AGFG1: variants seen among roughly 807,000 people sequenced by gnomAD.
The protein encoded by AGFG1 is arf-GAP domain and FG repeat-containing protein 1.
In AGFG1, 10 loss-of-function variants were observed where a neutral mutation model predicts 60.6. That is an observed-to-expected ratio of 0.16 (90% CI 0.10 to 0.28). AGFG1 has a LOEUF of 0.28. Among genes scored for constraint, AGFG1 ranks in the 10% least tolerant of loss-of-function variants. The probability of loss-of-function intolerance (pLI) is 1.00; values close to 1 mark genes in which losing one functional copy is unlikely to be tolerated. For synonymous variants in AGFG1, 247 were observed against 242.9 expected, an observed-to-expected ratio of 1.02 and a Z score of -0.16; for missense variants, 537 against 676.5, an observed-to-expected ratio of 0.79 and a Z score of 2.29.
intron 1 of AGFG1, among the ~76,000 whole-genome samples, chr2:227,478,884 A>G (rs1461179385): frequency 6.6e-6 from 1 of 152,150 alleles, no homozygotes; most frequent in Admixed American, 6.5e-5. Context: ...TATCCTAGTG[A>G]CTTGTTTTAG....
chr2:227,511,588 A>G (rs1461286050), intron 2 of AGFG1, among the ~76,000 whole-genome samples: 2 of 152,210 alleles, frequency 1.3e-5, no homozygotes, highest in Non-Finnish European at 2.9e-5. Flanking sequence ...TTCTACCTAA[A>G]TAAGTTGGGG....
At chr2:227,476,669 A>G (rs758650580) in intron 1 of AGFG1, among the ~76,000 whole-genome samples, 1 of 152,192 alleles carries the variant, frequency 6.6e-6, no homozygotes, top group Non-Finnish European at 1.5e-5. Context: ...TTTTTAGATG[A>G]CAGATGAAAA....
rs1177179296 is a variant in AGFG1, at chr2:227,560,388, T to G, written c.*5893T>G. 6.6e-6 allele frequency: 1 copy of G among 151,544 alleles called. No homozygotes were observed. The highest frequency in any genetic ancestry group is 1.5e-5 in the Non-Finnish European group (1 of 67,844). 9.4% of individuals were successfully genotyped at this position (151,544 alleles called of 1,614,324 possible). On this transcript the variant is annotated 3_prime_UTR_variant, in exon 13 of 13. Transcript: ENST00000310078. ...CACCAGCTGTGTAGGTATGATCTTG[T>G]GCTTCCATTTAAGAAATTCTTCCAT...
chr2:227,553,901 A>G (rs1692895552), intron 12 of AGFG1, 106 bp downstream of exon 12: 1 of 704,080 alleles, frequency 1.4e-6, no homozygotes, highest in South Asian at 2.0e-5. Flanking sequence ...TGTTATATTG[A>G]TATGAGTGAC....
chr2:227,502,188 G>A (rs921639056), intron 2 of AGFG1, among the ~76,000 whole-genome samples: 2 of 152,070 alleles, frequency 1.3e-5, no homozygotes, highest in Non-Finnish European at 2.9e-5. Context: ...AGTTATGCAC[G>A]TGGATGCTTG....
intron 10 of AGFG1, among the ~76,000 whole-genome samples, chr2:227,550,497 T>C (rs1692786746): frequency 6.6e-6 from 1 of 152,218 alleles, no homozygotes; most frequent in African/African-American, 2.4e-5. Context: ...TTAAGTGCTC[T>C]CTTAAAGTGA....
chr2:227,491,055 T>A lies in AGFG1; in HGVS notation c.168-492T>A, dbSNP rs141013841. ...GGACTTTACTAATTGGTTTATTACC[T>A]CAATTCATGATATTACTTGTAATAT... On this transcript the variant is annotated intron_variant, in intron 1 of 12. Coordinates refer to ENST00000310078, the MANE Select transcript of AGFG1 (RefSeq NM_004504.5). Among the ~76,000 whole-genome samples, 545 of 152,324 alleles carry A rather than the reference T, an allele frequency of 3.6e-3. 1 individual carries two copies. Among genetic ancestry groups the A allele is most frequent in the African/African-American group, 0.012 (514 of 41,566 alleles).
At chr2:227,494,880 C>T (rs1690931305) in intron 2 of AGFG1, among the ~76,000 whole-genome samples, 1 of 152,132 alleles carries the variant, frequency 6.6e-6, no homozygotes. Flanking sequence ...CAACTGATGG[C>T]AATACGAATT....
In AGFG1 at chr2:227,552,137, G is replaced by A. The variant is rs1390753759; in HGVS notation, c.1537+20G>A. 1.5e-5 allele frequency: 24 copies of A among 1,613,814 alleles called. 1 individual carries two copies. The highest frequency in any genetic ancestry group is 2.2e-5 in the South Asian group (2 of 91,060). ...CCAATGGTAAGATCTAACATTTGGC[G>A]AGCTGTAAGTTCATTTTATGTATCC... On this transcript the variant is annotated intron_variant, in intron 11 of 12. Coordinates refer to ENST00000310078, the MANE Select transcript of AGFG1 (RefSeq NM_004504.5).
intron 10 of AGFG1, among the ~76,000 whole-genome samples, chr2:227,537,721 A>G (rs1692354449): frequency 1.3e-5 from 2 of 152,188 alleles, no homozygotes; most frequent in South Asian, 2.1e-4. Context: ...ATGGCTGGGT[A>G]TCCATTAAAT....
At chr2:227,510,299 A>G (rs1004846286) in intron 2 of AGFG1, among the ~76,000 whole-genome samples, 2 of 152,082 alleles carry the variant, frequency 1.3e-5, no homozygotes, top group African/African-American at 4.8e-5. Flanking sequence ...TGATTGTACC[A>G]GGAATGGACA....
Position 227,532,722 on chromosome 2 carries a change from A to T in AGFG1, c.815-827A>T, listed in dbSNP as rs545210486. On this transcript the variant is annotated intron_variant, in intron 6 of 12. Coordinates refer to ENST00000310078, the MANE Select transcript of AGFG1 (RefSeq NM_004504.5). ...TATACTGTTTTGATTTCTGAAACTA[A>T]AGTTTAGAAATAAAGAACTAATATC... 9.4e-4 allele frequency among the ~76,000 whole-genome samples: 143 copies of T among 152,240 alleles called. 1 individual carries two copies. Among genetic ancestry groups the T allele is most frequent in the African/African-American group, 3.1e-3 (128 of 41,568 alleles).
chr2:227,473,362 C>T (rs1332888425), intron 1 of AGFG1, among the ~76,000 whole-genome samples: 1 of 152,026 alleles, frequency 6.6e-6, no homozygotes, highest in Non-Finnish European at 1.5e-5. Flanking sequence ...CAATAAGGTA[C>T]CCACTAGGAG....
chr2:227,493,894 C>T (rs1393342588), intron 2 of AGFG1, among the ~76,000 whole-genome samples: 1 of 152,078 alleles, frequency 6.6e-6, no homozygotes, highest in African/African-American at 2.4e-5. Context: ...ATTGGGAAGA[C>T]CCGACAGAAC....
Position 227,501,514 on chromosome 2 carries a change from A to C in AGFG1, c.261+9874A>C, listed in dbSNP as rs180992389. On this transcript the variant is annotated intron_variant, in intron 2 of 12. Transcript: ENST00000310078. ...TCATTGCTTCCAATTTGGTAATCCA[A>C]AGCCCTATACAAATATACACATAAA... 2.6e-5 allele frequency among the ~76,000 whole-genome samples: 4 copies of C among 152,332 alleles called. No homozygotes were observed. In the East Asian group the frequency reaches 7.7e-4, roughly 29 times the overall value.
At chr2:227,541,180 C>T (rs1692481691) in intron 10 of AGFG1, among the ~76,000 whole-genome samples, 1 of 152,160 alleles carries the variant, frequency 6.6e-6, no homozygotes, top group African/African-American at 2.4e-5. Flanking sequence ...TTTTGCTGTG[C>T]AGAAGCTCTT....
chr2:227,480,667 G>T (rs1205645363), intron 1 of AGFG1, among the ~76,000 whole-genome samples: 2 of 151,372 alleles, frequency 1.3e-5, no homozygotes, highest in African/African-American at 4.9e-5. Flanking sequence ...TAGGCCTGCT[G>T]TGCGGCTCTC....
intron 10 of AGFG1, among the ~76,000 whole-genome samples, chr2:227,539,061 A>G (rs987230841): frequency 6.6e-6 from 1 of 152,234 alleles, no homozygotes; most frequent in African/African-American, 2.4e-5. Flanking sequence ...TATAAACAAT[A>G]CTTCGACAGA....
rs1693036153 is a variant in AGFG1 at position 227,558,331 on chromosome 2, A to G, written c.*3836A>G. 1 of 152,138 alleles carries G rather than the reference A, an allele frequency of 6.6e-6. No individual in the cohort carries two copies. The highest frequency in any genetic ancestry group is 2.1e-4 in the South Asian group (1 of 4,836). The allele number at this position is 152,138 out of a possible 1,614,324, so 9.4% of individuals were successfully genotyped here. Reference sequence around the variant, plus strand: ...GTTAACGTTCTTGTCTTGTATATCTAAAAAAACTTTAATCACTTGAATTCC... The same window carrying G: ...GTTAACGTTCTTGTCTTGTATATCTGAAAAAACTTTAATCACTTGAATTCC... On this transcript the variant is annotated 3_prime_UTR_variant, in exon 13 of 13. Coordinates refer to ENST00000310078, the MANE Select transcript of AGFG1 (RefSeq NM_004504.5).
Sources: gnomAD v4.1 joint callset for allele counts (sites outside exome capture counted in the v4.1 genomes callset) on GRCh38, gnomAD v4.1.1 for gene constraint, MANE v1.5 for transcripts, NCBI Gene and HGNC (gene_info 2026-07-23, HGNC 2026-07-21) for gene names.